Variants in HEATR4 observed in about 807,000 individuals in gnomAD.
HEATR4 encodes the protein HEAT repeat-containing protein 4.
A neutral mutation model predicts 108.8 loss-of-function variants in HEATR4; 95 were observed. The ratio of observed to expected loss-of-function variants is 0.87; its 90% CI spans 0.74 to 1.04. The LOEUF (loss-of-function observed/expected upper bound fraction) is 1.04, where lower values mean the gene tolerates loss of function less well. HEATR4 is among the 50% of genes least tolerant of loss of function. The pLI is 0.00. For missense variants in HEATR4, 1,152 were observed against 1,253.8 expected, an observed-to-expected ratio of 0.92 and a Z score of 1.23; for synonymous variants, 443 against 459.4, an observed-to-expected ratio of 0.96 and a Z score of 0.46.
chr14:73,498,233 G>A lies in HEATR4; in HGVS notation c.2468C>T (p.Ala823Val), dbSNP rs1262092186. The change falls in exon 14 of 18, where the codon GCC becomes GTC. Residue 823 changes from alanine to valine, a missense_variant. By Grantham distance (64) the Ala-to-Val change is moderately conservative (BLOSUM62 0). Coordinates refer to ENST00000553558, the MANE Select transcript of HEATR4 (RefSeq NM_001220484.1). ...GACCCGGTCCCCTTGAAGTTTCAGG[G>A]CTAGGATGCTACGGCAAGCTTCCAG... Reference protein sequence around the residue: ...VRLEACRSILALKLQGDRVRD... With the variant: ...VRLEACRSILVLKLQGDRVRD... 10 of 1,613,974 alleles carry A rather than the reference G, an allele frequency of 6.2e-6. No homozygotes were observed. Among genetic ancestry groups the A allele is most frequent in the Non-Finnish European group, 8.5e-6 (10 of 1,180,034 alleles).
At chr14:73,612,381 A>G in the HEATR4 span, 1 of 421,758 alleles carries the variant, frequency 2.4e-6, no homozygotes, top group East Asian at 3.6e-5. Context: ...ATACTCTTTC[A>G]TTTGGGACAC....
At chr14:73,485,403 A>AT (rs35289379) in intron 17 of HEATR4, among the ~76,000 whole-genome samples, 49,831 of 140,358 alleles carry the variant, frequency 0.36, 9,034 homozygotes, top group East Asian at 0.5. Flanking sequence ...ACATGGGTGA[A>AT]TTTTTTTTTT....
At chr14:73,563,149 C>G (rs1225242888), upstream of HEATR4, among the ~76,000 whole-genome samples, 1 of 151,018 alleles carries the variant, frequency 6.6e-6, no homozygotes, top group African/African-American at 2.4e-5. Flanking sequence ...TGATGTCACC[C>G]CCAGCGGCCC....
rs34660727 is a variant in HEATR4, at chr14:73,506,804, G to GTTTTTTTTTTTT, written c.1882-245_1882-234dup. Among the ~76,000 whole-genome samples the GTTTTTTTTTTTT allele has an allele frequency of 9.5e-3, 765 of 80,404 alleles. 169 individuals carry two copies. The highest frequency in any genetic ancestry group is 0.036 in the African/African-American group (726 of 20,344). The allele number at this position is 80,404 out of a possible 152,430, so 52.7% of individuals were successfully genotyped here. ...GGACCTTCCTTTCCTGACTTTAACT[G>GTTTTTTTTTTTT]TTTTTTTTTTTTTTTTTTTTTCTGA... On this transcript the variant is annotated intron_variant, in intron 9 of 17. Coordinates refer to ENST00000553558, the MANE Select transcript of HEATR4 (RefSeq NM_001220484.1).
chr14:73,499,043 A>C, intron 13 of HEATR4, 28 bp downstream of exon 13: 1 of 1,595,620 alleles, frequency 6.3e-7, no homozygotes, highest in Non-Finnish European at 8.6e-7. Context: ...TTAAGGTTGA[A>C]GAGTTTGGGG....
intron 3 of HEATR4, among the ~76,000 whole-genome samples, chr14:73,521,328 T>C (rs1408974667): frequency 6.6e-6 from 1 of 152,088 alleles, no homozygotes; most frequent in Non-Finnish European, 1.5e-5. Flanking sequence ...ATAACCCTTT[T>C]TTAACATTCG....
the HEATR4 span, among the ~76,000 whole-genome samples, chr14:73,566,309 C>A: frequency 6.6e-6 from 1 of 152,120 alleles, no homozygotes. Context: ...GTGGAGCTGC[C>A]TGCCAGTCCC....
Position 73,548,130 on chromosome 14 carries a change from G to T in HEATR4, c.-152+10621C>A, listed in dbSNP as rs1889264758. ...TTTTGCAGAAACAGGGTCTTATTATGTTGCCCAGGCTGGTCTCGAACTCCT... is the reference window on the plus strand; with the variant it reads ...TTTTGCAGAAACAGGGTCTTATTATTTTGCCCAGGCTGGTCTCGAACTCCT... On this transcript the variant is annotated intron_variant, in intron 1 of 17. Coordinates refer to ENST00000553558, the MANE Select transcript of HEATR4 (RefSeq NM_001220484.1). Among the ~76,000 whole-genome samples the T allele has an allele frequency of 1.7e-5, 2 of 115,004 alleles. 1 individual carries two copies. Among genetic ancestry groups the T allele is most frequent in the South Asian group, 5.5e-4 (2 of 3,614 alleles). 75.4% of individuals were successfully genotyped at this position (115,004 alleles called of 152,430 possible). A position where few individuals can be genotyped will look rare whatever the true frequency, so the allele number is the denominator to read the frequency against.
chr14:73,488,295 G>C (rs1437590448), intron 17 of HEATR4, among the ~76,000 whole-genome samples: 1 of 152,196 alleles, frequency 6.6e-6, no homozygotes, highest in East Asian at 1.9e-4. Flanking sequence ...GTTTGAGACG[G>C]AGTCTCGCTG....
chr14:73,614,201 A>AAAC, the HEATR4 span, among the ~76,000 whole-genome samples: 6,548 of 151,874 alleles, frequency 0.043, 174 homozygotes, highest in Middle Eastern at 0.075. Context: ...ACCCTGCCTC[A>AAAC]AACAACAACA....
the HEATR4 span, among the ~76,000 whole-genome samples, chr14:73,629,344 T>C: frequency 0.14 from 21,751 of 152,290 alleles, 2,197 homozygotes; most frequent in Non-Finnish European, 0.22. Flanking sequence ...CACTTTATTG[T>C]GATATGTGCT....
chr14:73,607,155 C>A, the HEATR4 span, among the ~76,000 whole-genome samples: 1 of 152,042 alleles, frequency 6.6e-6, no homozygotes, highest in Non-Finnish European at 1.5e-5. Context: ...ACTAAAAATA[C>A]AAAAATTAGC....
At chr14:73,607,419 G>A in the HEATR4 span, among the ~76,000 whole-genome samples, 3 of 152,222 alleles carry the variant, frequency 2.0e-5, no homozygotes, top group Non-Finnish European at 4.4e-5. Context: ...CACACAGCAG[G>A]AGGGCTCTGG....
At chr14:73,507,798 A>C (rs1886948600) in intron 9 of HEATR4, among the ~76,000 whole-genome samples, 2 of 152,050 alleles carry the variant, frequency 1.3e-5, no homozygotes, top group African/African-American at 2.4e-5. Context: ...GCTGGAGTGT[A>C]GTGGCGTGAT....
At chr14:73,619,919 C>CTTTTT in the HEATR4 span, 3 of 1,174,578 alleles carry the variant, frequency 2.6e-6, no homozygotes, top group Non-Finnish European at 1.1e-6. Flanking sequence ...TTTCTTTTCT[C>CTTTTT]TTTTTTTTTT....
chr14:73,580,747 T>C, the HEATR4 span: 1 of 151,912 alleles, frequency 6.6e-6, no homozygotes, highest in Non-Finnish European at 1.5e-5. Flanking sequence ...TGGTGTGTAC[T>C]TAACAAGCAT....
chr14:73,569,307 T>C, the HEATR4 span: 3 of 1,613,814 alleles, frequency 1.9e-6, no homozygotes, highest in Non-Finnish European at 2.5e-6. Context: ...CAAAATGGCC[T>C]CATCTCCTGC....
intron 10 of HEATR4, among the ~76,000 whole-genome samples, chr14:73,504,551 A>G (rs1400453802): frequency 4.6e-5 from 7 of 152,144 alleles, no homozygotes; most frequent in African/African-American, 1.4e-4. Flanking sequence ...CGATTTTTGC[A>G]TTTCTAATAA....
At chr14:73,566,153 T>C in the HEATR4 span, among the ~76,000 whole-genome samples, 2 of 152,082 alleles carry the variant, frequency 1.3e-5, no homozygotes, top group Non-Finnish European at 2.9e-5. Context: ...GGGTGCTGAT[T>C]GGTGTGTTTA....
Sources: allele counts gnomAD v4.1 joint callset (sites outside exome capture counted in the v4.1 genomes callset), GRCh38; gene constraint gnomAD v4.1.1; transcripts MANE v1.5; gene names NCBI Gene and HGNC (gene_info 2026-07-23, HGNC 2026-07-21).